The following TMEM131L variants were observed in gnomAD, a reference collection of about 807,000 sequenced individuals.
The protein encoded by TMEM131L is transmembrane protein 131-like.
In TMEM131L, 54 loss-of-function variants were observed where a neutral mutation model predicts 192.2. The observed-to-expected ratio is 0.28, with a 90% confidence interval of 0.23 to 0.35. The LOEUF (loss-of-function observed/expected upper bound fraction) is 0.35, where lower values mean the gene tolerates loss of function less well. Ranked by LOEUF, TMEM131L falls within the 10% of genes least tolerant of loss-of-function variation. TMEM131L has a pLI of 1.00. For synonymous variants in TMEM131L, 701 were observed against 704.9 expected, an observed-to-expected ratio of 0.99 and a Z score of 0.09; for missense variants, 1,888 against 1,972.9, an observed-to-expected ratio of 0.96 and a Z score of 0.82.
chr4:153,627,708 T>C, intron 31 of TMEM131L, 21 bp downstream of exon 31: 1 of 1,589,036 alleles, frequency 6.3e-7, no homozygotes, highest in East Asian at 2.2e-5. Flanking sequence ...TTCGTCTTGC[T>C]GCAGACATCA....
intron 3 of TMEM131L, among the ~76,000 whole-genome samples, chr4:153,547,212 A>G (rs540189428): frequency 6.6e-6 from 1 of 152,188 alleles, no homozygotes; most frequent in East Asian, 1.9e-4. Context: ...AGTTAGAGAC[A>G]CTCTGGCTAT....
chr4:153,468,316 G>T (rs533024897), intron 2 of TMEM131L, among the ~76,000 whole-genome samples: 5 of 152,154 alleles, frequency 3.3e-5, no homozygotes, highest in Admixed American at 2.6e-4. Context: ...TTTTAGAGGA[G>T]AATTTTCCTG....
intron 7 of TMEM131L, chr4:153,558,616 C>T (rs1728641942): frequency 2.2e-5 from 6 of 276,386 alleles, no homozygotes; most frequent in Middle Eastern, 1.1e-3. Context: ...CTGTTATTAC[C>T]GTTAGGCCAT....
At chr4:153,532,984 C>CTTTTTTTTTTTTTTTTTTTTTTT (rs70963190) in intron 3 of TMEM131L, among the ~76,000 whole-genome samples, 1 of 129,694 alleles carries the variant, frequency 7.7e-6, no homozygotes, top group African/African-American at 2.9e-5. Context: ...TTTCTCAATT[C>CTTTTTTTTTTTTTTTTTTTTTTT]TTTTTTTTTT....
intron 3 of TMEM131L, among the ~76,000 whole-genome samples, chr4:153,474,716 T>G (rs972742128): frequency 2.0e-5 from 3 of 152,162 alleles, no homozygotes; most frequent in Non-Finnish European, 4.4e-5. Context: ...TCAACATGCC[T>G]GGCTAATTTT....
At position 153,603,316 on chromosome 4, in the gene TMEM131L, G is replaced by A. The variant is rs78146597; in HGVS notation, c.2653G>A (p.Gly885Ser). Reference sequence around the variant, plus strand: ...TTTCTTCCTCAGTTTGTCCCTGTTGGGTGTGATTTTAATAGCCTTCCAACA... The same window carrying A: ...TTTCTTCCTCAGTTTGTCCCTGTTGAGTGTGATTTTAATAGCCTTCCAACA... ...TVFFVSLSLL[G>S]VILIAFQQAQ... Residue 885 changes from glycine (G) to serine (S), a missense_variant, in exon 24 of 35, where the codon GGT becomes AGT. By Grantham distance (56) the Gly-to-Ser change is moderately conservative. Transcript: ENST00000409959. 6 of 1,613,356 alleles carry A rather than the reference G, an allele frequency of 3.7e-6. No individual in the cohort carries two copies. In the African/African-American group the frequency reaches 6.7e-5, roughly 18 times the overall value.
chr4:153,560,245 T>G (rs1167609075), intron 7 of TMEM131L, among the ~76,000 whole-genome samples: 2 of 152,170 alleles, frequency 1.3e-5, no homozygotes, highest in African/African-American at 2.4e-5. Flanking sequence ...AGGGACCATC[T>G]GATTGAGCTT....
chr4:153,581,423 C>T lies in TMEM131L; in HGVS notation c.755C>T (p.Ser252Phe). Residue 252 changes from serine (S) to phenylalanine (F), a missense_variant, in exon 9 of 35, where the codon TCT becomes TTT. Physicochemically the swap from Ser to Phe is radical, Grantham distance 155 (BLOSUM62 -2). Transcript: ENST00000409959. ...CQQLKGCYLE[S>F]DDVLRLQMSI... ...CAACCATAGGGTTGTTATCTGGAAT[C>T]TGATGATGTTTTGCGTCTACAAATG... 2 of 1,562,374 alleles carry T rather than the reference C, an allele frequency of 1.3e-6. No homozygotes were observed. The highest frequency in any genetic ancestry group is 1.7e-6 in the Non-Finnish European group (2 of 1,152,336).
At chr4:153,635,397 G>A in intron 33 of TMEM131L, 35 bp from the exon 34 acceptor site, 1 of 1,605,670 alleles carries the variant, frequency 6.2e-7, no homozygotes, top group Middle Eastern at 1.7e-4. Flanking sequence ...CAATGAAAAT[G>A]TTTACCTATG....
chr4:153,547,381 C>T (rs887112082), intron 3 of TMEM131L, among the ~76,000 whole-genome samples: 1 of 152,192 alleles, frequency 6.6e-6, no homozygotes, highest in South Asian at 2.1e-4. Context: ...TATTACCATC[C>T]CGTTTGGGGC....
At chr4:153,488,496 C>T (rs367844021) in intron 3 of TMEM131L, among the ~76,000 whole-genome samples, 1 of 152,140 alleles carries the variant, frequency 6.6e-6, no homozygotes, top group African/African-American at 2.4e-5. Context: ...GGACAAGGGC[C>T]TGGGCCTGGG....
chr4:153,524,359 TG>T (rs1268881035), intron 3 of TMEM131L, among the ~76,000 whole-genome samples: 3 of 152,222 alleles, frequency 2.0e-5, no homozygotes, highest in Non-Finnish European at 4.4e-5. Context: ...TACTCCCTGC[TG>T]GCAGTCCAGG....
At chr4:153,583,538 C>A in intron 10 of TMEM131L, 26 bp from the exon 11 acceptor site, 1 of 1,453,212 alleles carries the variant, frequency 6.9e-7, no homozygotes, top group Non-Finnish European at 9.7e-7. Flanking sequence ...TGAGAGTAGT[C>A]ACATGGGACT....
At chr4:153,526,097 T>G (rs1735458398) in intron 3 of TMEM131L, among the ~76,000 whole-genome samples, 1 of 152,050 alleles carries the variant, frequency 6.6e-6, no homozygotes, top group Non-Finnish European at 1.5e-5. Context: ...GATCTCATGA[T>G]CCGCCCACCT....
intron 3 of TMEM131L, among the ~76,000 whole-genome samples, chr4:153,487,919 T>G (rs1399501065): frequency 7.2e-6 from 1 of 138,036 alleles, no homozygotes; most frequent in Admixed American, 7.1e-5. Flanking sequence ...AGATGTGTGT[T>G]TGTGAGTGCG....
chr4:153,495,714 A>T (rs577793997), intron 3 of TMEM131L, among the ~76,000 whole-genome samples: 1 of 152,284 alleles, frequency 6.6e-6, no homozygotes, highest in Non-Finnish European at 1.5e-5. Flanking sequence ...GTGAAATCCA[A>T]CAGAACGTTC....
Position 153,466,472 on chromosome 4 carries a change from C to G in TMEM131L, c.75C>G (p.Val25=). Residue 25 remains valine, a synonymous_variant, in exon 1 of 35, where the codon GTC becomes GTG. Transcript: ENST00000409959. Reference sequence around the variant, plus strand: ...CGGCCGTGAACCTCCTGCTGGGCGTCTTCCAGGTCCTGCTGCCCTGCTGTC... The same window carrying G: ...CGGCCGTGAACCTCCTGCTGGGCGTGTTCCAGGTCCTGCTGCCCTGCTGTC... The part of the protein sequence containing the change: ...TAAAVNLLLG[V]FQVLLPCCRP... The G allele has an allele frequency of 7.0e-7, 1 of 1,421,494 alleles. No homozygotes were observed. Among genetic ancestry groups the G allele is most frequent in the Non-Finnish European group, 9.3e-7 (1 of 1,079,610 alleles). The allele number at this position is 1,421,494 out of a possible 1,614,324, so 88.1% of individuals were successfully genotyped here.
At chr4:153,576,116 T>G (rs557292435) in intron 7 of TMEM131L, among the ~76,000 whole-genome samples, 26 of 152,136 alleles carry the variant, frequency 1.7e-4, no homozygotes, top group Middle Eastern at 3.4e-3. Flanking sequence ...CCCGCCACCA[T>G]GCCCGGCTGA....
intron 4 of TMEM131L, among the ~76,000 whole-genome samples, chr4:153,550,534 G>C (rs575309928): frequency 6.6e-6 from 1 of 152,084 alleles, no homozygotes; most frequent in Admixed American, 6.5e-5. Context: ...CACCGTGTTC[G>C]CCAGGATGGT....
Sources: gnomAD v4.1 joint callset for allele counts (sites outside exome capture counted in the v4.1 genomes callset) on GRCh38, gnomAD v4.1.1 for gene constraint, MANE v1.5 for transcripts, NCBI Gene and HGNC (gene_info 2026-07-23, HGNC 2026-07-21) for gene names.